NEK4: variants seen among roughly 807,000 people sequenced by gnomAD.
NEK4 encodes the protein NIMA related kinase 4, also known as serine/threonine-protein kinase Nek4.
NEK4 carries 86 observed loss-of-function variants against 98.4 expected under a neutral mutation model. The observed-to-expected ratio is 0.87, with a 90% confidence interval of 0.73 to 1.05. The LOEUF (loss-of-function observed/expected upper bound fraction) is 1.05. Ranked by LOEUF, NEK4 falls within the 50% of genes least tolerant of loss-of-function variation. The pLI is 0.00. For synonymous variants in NEK4, 328 were observed against 342.2 expected (o/e 0.96, Z 0.46); for missense variants, 898 against 950.3 (o/e 0.94, Z 0.72).
At chr3:52,747,440 G>A (rs1389596514) in intron 8 of NEK4, 1 of 147,984 alleles carries the variant, frequency 6.8e-6, no homozygotes, top group Non-Finnish European at 1.5e-5. Context: ...GGGCAACAGA[G>A]TGAGACTCCA....
intron 8 of NEK4, chr3:52,747,267 C>A (rs1037173729): frequency 1.1e-5 from 2 of 183,020 alleles, no homozygotes; most frequent in South Asian, 2.0e-4. Flanking sequence ...CCAGCCTGGC[C>A]AACATCGTGA....
rs1559451499 is a variant in NEK4 at position 52,765,983 on chromosome 3, C to A, written c.570G>T (p.Trp190Cys). The A allele has an allele frequency of 6.2e-7, 1 of 1,605,808 alleles. No homozygotes were observed. The highest frequency in any genetic ancestry group is 1.3e-5 in the African/African-American group (1 of 74,832). ...NKPYNYKSDV[W>C]ALGCCVYEMA... ...TTTCATAGACACAGCATCCTAGAGC[C>A]CAAACATCAGACTAGAAAATAAAAA... Residue 190 changes from tryptophan to cysteine, a missense_variant, in exon 4 of 16, where the codon TGG becomes TGT. Transcript: ENST00000233027.
chr3:52,758,748 T>C (rs763306694), intron 6 of NEK4, among the ~76,000 whole-genome samples: 3 of 152,030 alleles, frequency 2.0e-5, no homozygotes, highest in Non-Finnish European at 4.4e-5. Context: ...GGGACTAGTA[T>C]CTGGAACACA....
chr3:52,748,901 C>T (rs556151329), intron 8 of NEK4, among the ~76,000 whole-genome samples: 1 of 152,218 alleles, frequency 6.6e-6, no homozygotes, highest in East Asian at 1.9e-4. Context: ...GCCTAGACAA[C>T]ATAGGGACAC....
chr3:52,733,581 C>G, intron 15 of NEK4: 1 of 512,622 alleles, frequency 2.0e-6, no homozygotes, highest in Admixed American at 2.0e-5. Context: ...TCAAATAATT[C>G]ATAGTACAGA....
Position 52,770,730 on chromosome 3 carries a change from T to G in NEK4, c.17A>C (p.Tyr6Ser). The G allele has an allele frequency of 1.9e-6, 3 of 1,572,400 alleles. 1 individual carries two copies. Among genetic ancestry groups the G allele is most frequent in the East Asian group, 2.3e-5 (1 of 42,644 alleles). MPLAA[Y>S]CYLRVVGKGS... ...CTTGCCCACGACCCGCAGGTAGCAGTAGGCGGCCAGGGGCATGTTCCCAGC... is the reference window on the plus strand; with the variant it reads ...CTTGCCCACGACCCGCAGGTAGCAGGAGGCGGCCAGGGGCATGTTCCCAGC... Residue 6 changes from tyrosine (Y) to serine (S), a missense_variant, in exon 1 of 16, where the codon TAC becomes TCC. Coordinates refer to ENST00000233027, the MANE Select transcript of NEK4 (RefSeq NM_003157.6).
intron 1 of NEK4, among the ~76,000 whole-genome samples, chr3:52,770,345 T>A (rs914865725): frequency 2.6e-5 from 4 of 151,450 alleles, no homozygotes; most frequent in East Asian, 3.9e-4. Flanking sequence ...GGTGTGTAGA[T>A]CACGCATGCC....
At position 52,770,838 on chromosome 3, in the gene NEK4, G is replaced by A; in HGVS notation, c.-92C>T. 1 of 1,123,806 alleles carries A rather than the reference G, an allele frequency of 8.9e-7. No homozygotes were observed. 69.6% of individuals were successfully genotyped at this position (1,123,806 alleles called of 1,614,324 possible). On this transcript the variant is annotated 5_prime_UTR_variant, in exon 1 of 16. Transcript: ENST00000233027. The stretch of plus-strand genomic sequence containing the variant: ...GAAGCTCGGTTCATGCCCGAGAGGG[G>A]GCAGTGGGGGCGGCTGTTGAGGCAG...
intron 15 of NEK4, among the ~76,000 whole-genome samples, chr3:52,721,091 T>C (rs947612217): frequency 3.9e-5 from 6 of 152,296 alleles, no homozygotes; most frequent in Middle Eastern, 3.4e-3. Context: ...AGAAGCTAAA[T>C]TGTGGTTCAC....
intron 1 of NEK4, 51 bp downstream of exon 1, chr3:52,770,603 C>A (rs1242198728): frequency 7.0e-7 from 1 of 1,437,480 alleles, no homozygotes; most frequent in Non-Finnish European, 9.5e-7. Context: ...TCGGCGCCCT[C>A]GGCGCACTTC....
intron 15 of NEK4, among the ~76,000 whole-genome samples, chr3:52,713,708 C>T (rs1223837605): frequency 6.7e-6 from 1 of 149,074 alleles, no homozygotes; most frequent in Non-Finnish European, 1.5e-5. Context: ...GCGGAAGAAT[C>T]GCTTGAACCC....
chr3:52,720,802 T>TA (rs1340744017), intron 15 of NEK4, among the ~76,000 whole-genome samples: 1 of 152,206 alleles, frequency 6.6e-6, no homozygotes, highest in Admixed American at 6.5e-5. Context: ...CCCTACACAA[T>TA]AACTCAAAGC....
intron 15 of NEK4, among the ~76,000 whole-genome samples, chr3:52,730,093 C>T (rs1017391270): frequency 2.0e-5 from 3 of 151,920 alleles, no homozygotes; most frequent in Middle Eastern, 3.2e-3. Context: ...GGTGACAGAG[C>T]GAGACTCTAT....
intron 13 of NEK4, 99 bp from the exon 14 acceptor site, chr3:52,739,733 A>C: frequency 9.9e-7 from 1 of 1,009,526 alleles, no homozygotes; most frequent in Non-Finnish European, 1.5e-6. Context: ...TTATCCTTTG[A>C]AATGTCCAAG....
intron 15 of NEK4, among the ~76,000 whole-genome samples, chr3:52,730,843 A>G (rs1016763856): frequency 3.3e-5 from 5 of 152,144 alleles, no homozygotes; most frequent in Non-Finnish European, 2.9e-5. Flanking sequence ...AAACTCAGAG[A>G]GACAGAAAGT....
intron 15 of NEK4, among the ~76,000 whole-genome samples, chr3:52,717,521 G>A (rs2097356217): frequency 6.6e-6 from 1 of 151,876 alleles, no homozygotes; most frequent in African/African-American, 2.4e-5. Flanking sequence ...AAGAAGATGA[G>A]AGGCTACTGC....
rs1346840216 is a variant in NEK4, at chr3:52,709,913, T to C, written c.*1864A>G. ...ACTGGGCATTGGGACTTGATGGTTT[T>C]GCAAGTTGAGTTCTAGCAAACCCTT... is the stretch of plus-strand genomic sequence containing the variant. On this transcript the variant is annotated 3_prime_UTR_variant, in exon 16 of 16. Coordinates refer to ENST00000233027, the MANE Select transcript of NEK4 (RefSeq NM_003157.6). 6.6e-6 allele frequency: 1 copy of C among 152,152 alleles called. No individual in the cohort carries two copies. The highest frequency in any genetic ancestry group is 1.5e-5 in the Non-Finnish European group (1 of 68,024). 9.4% of individuals were successfully genotyped at this position (152,152 alleles called of 1,614,324 possible).
Position 52,710,279 on chromosome 3 carries a change from G to A in NEK4, c.*1498C>T, listed in dbSNP as rs2097349092. 6.6e-6 allele frequency: 1 copy of A among 151,882 alleles called. No homozygotes were observed. Among genetic ancestry groups the A allele is most frequent in the South Asian group, 2.1e-4 (1 of 4,812 alleles). The allele number at this position is 151,882 out of a possible 1,614,324, so 9.4% of individuals were successfully genotyped here. On this transcript the variant is annotated 3_prime_UTR_variant, in exon 16 of 16. Transcript: ENST00000233027. Reference sequence around the variant, plus strand: ...ACTCGAGAGGATGAGGTAGGAGAATGGAGTGAACCTGGGAGGCGGAGCTTG... The same window carrying A: ...ACTCGAGAGGATGAGGTAGGAGAATAGAGTGAACCTGGGAGGCGGAGCTTG...
chr3:52,734,810 G>T, intron 15 of NEK4: 1 of 296,112 alleles, frequency 3.4e-6, no homozygotes, highest in East Asian at 1.0e-4. Context: ...TGATCTGACT[G>T]GGGAGCCTCT....
Sources: gnomAD v4.1 joint callset for allele counts (sites outside exome capture counted in the v4.1 genomes callset) on GRCh38, gnomAD v4.1.1 for gene constraint, MANE v1.5 for transcripts, NCBI Gene and HGNC (gene_info 2026-07-23, HGNC 2026-07-21) for gene names.